The following PTPRD variants were observed in gnomAD, a reference collection of about 807,000 sequenced individuals.
PTPRD encodes receptor-type tyrosine-protein phosphatase delta.
Under a neutral mutation model 214.5 loss-of-function variants are expected in PTPRD, and 34 were observed. The ratio of observed to expected loss-of-function variants is 0.16; its 90% CI spans 0.12 to 0.21. The LOEUF (loss-of-function observed/expected upper bound fraction) is 0.21. Among genes scored for constraint, PTPRD ranks in the 10% least tolerant of loss-of-function variants. PTPRD has a pLI of 1.00. For missense variants in PTPRD, 2,545 were observed against 2,398.7 expected (o/e 1.06, Z -1.27); for synonymous variants, 1,128 against 845.7 (o/e 1.33, Z -5.79).
At chr9:8,598,268 A>G (rs988673491) in intron 14 of PTPRD, among the ~76,000 whole-genome samples, 10 of 152,134 alleles carry the variant, frequency 6.6e-5, no homozygotes, top group Non-Finnish European at 1.3e-4. Flanking sequence ...CCTGGCCAAC[A>G]TGGTGAAACC....
intron 7 of PTPRD, among the ~76,000 whole-genome samples, chr9:9,707,188 T>C (rs2097637931): frequency 6.6e-6 from 1 of 152,192 alleles, no homozygotes; most frequent in African/African-American, 2.4e-5. Flanking sequence ...CCTTTAAAAA[T>C]GGTATTTATG....
chr9:9,390,015 G>C (rs1357728259), intron 9 of PTPRD, among the ~76,000 whole-genome samples: 1 of 152,176 alleles, frequency 6.6e-6, no homozygotes, highest in Non-Finnish European at 1.5e-5. Flanking sequence ...ACAGAGGTGG[G>C]AGAAAAGCAT....
chr9:9,981,921 T>C (rs1203371616), intron 4 of PTPRD, among the ~76,000 whole-genome samples: 1 of 152,144 alleles, frequency 6.6e-6, no homozygotes, highest in East Asian at 1.9e-4. Context: ...TTGTTCAAGG[T>C]GTCTCAAACA....
At chr9:8,454,771 G>C (rs1049718851) in intron 33 of PTPRD, among the ~76,000 whole-genome samples, 9 of 151,846 alleles carry the variant, frequency 5.9e-5, no homozygotes, top group African/African-American at 2.2e-4. Flanking sequence ...CTCTGATTAT[G>C]AACTAAACAG....
chr9:8,830,877 C>T (rs991001802), intron 11 of PTPRD, among the ~76,000 whole-genome samples: 3 of 152,086 alleles, frequency 2.0e-5, no homozygotes, highest in African/African-American at 7.2e-5. Context: ...TAACAATTCT[C>T]TTCAATTGAT....
At chr9:8,786,193 C>T (rs139301071) in intron 11 of PTPRD, among the ~76,000 whole-genome samples, 1,916 of 152,142 alleles carry the variant, frequency 0.013, 38 homozygotes, top group Non-Finnish European at 0.014. Context: ...CATAAATTAA[C>T]GACTCAGAGA....
intron 7 of PTPRD, among the ~76,000 whole-genome samples, chr9:9,673,635 A>C (rs2096872247): frequency 1.3e-5 from 2 of 151,752 alleles, no homozygotes; most frequent in Admixed American, 6.6e-5. Flanking sequence ...ATATTTGATA[A>C]GATAACTAAA....
chr9:9,796,385 G>C (rs1305022364), intron 5 of PTPRD, among the ~76,000 whole-genome samples: 1 of 152,186 alleles, frequency 6.6e-6, no homozygotes, highest in Non-Finnish European at 1.5e-5. Context: ...TGTGCTGTCT[G>C]AGGAATCAAT....
chr9:10,119,422 G>C (rs536637474), intron 3 of PTPRD, among the ~76,000 whole-genome samples: 2 of 151,996 alleles, frequency 1.3e-5, no homozygotes, highest in Non-Finnish European at 2.9e-5. Context: ...GCATTCTAGA[G>C]TGTAGTACAT....
At position 9,761,746 on chromosome 9, in the gene PTPRD, TATTC is replaced by T. The variant is rs551145880; in HGVS notation, c.-326+5060_-326+5063del. Among the ~76,000 whole-genome samples the T allele has an allele frequency of 1.6e-3, 239 of 152,206 alleles. 1 individual carries two copies. The highest frequency in any genetic ancestry group is 2.7e-3 in the Non-Finnish European group (185 of 68,004). On this transcript the variant is annotated intron_variant, in intron 6 of 45. Coordinates refer to ENST00000381196, the MANE Select transcript of PTPRD (RefSeq NM_002839.4). ...AATTTCGATGAAATTAAAAAAAAAC[TATTC>T]ATTATCATTCCATCAAATTGTCTCC...
Position 8,733,907 on chromosome 9 carries a change from T to C in PTPRD, c.-64A>G. On this transcript the variant is annotated 5_prime_UTR_variant, in exon 12 of 46. Coordinates refer to ENST00000381196, the MANE Select transcript of PTPRD (RefSeq NM_002839.4). ...TCACTGCCTCCGGAGCCGCAGCGAG[T>C]CTGTCCGATCTGAAATTTCAGCTGG... 1 of 1,480,130 alleles carries C rather than the reference T, an allele frequency of 6.8e-7. No individual in the cohort carries two copies. The highest frequency in any genetic ancestry group is 9.2e-7 in the Non-Finnish European group (1 of 1,089,536). The allele number at this position is 1,480,130 out of a possible 1,614,324, so 91.7% of individuals were successfully genotyped here. A position where few individuals can be genotyped will look rare whatever the true frequency, so the allele number is the denominator to read the frequency against.
intron 11 of PTPRD, among the ~76,000 whole-genome samples, chr9:8,992,462 T>G (rs1044391863): frequency 1.3e-5 from 2 of 152,126 alleles, no homozygotes; most frequent in African/African-American, 4.8e-5. Flanking sequence ...GCAGGATGGT[T>G]GCTCAGAGGC....
At chr9:10,208,854 G>C (rs567199822) in intron 3 of PTPRD, among the ~76,000 whole-genome samples, 1 of 152,146 alleles carries the variant, frequency 6.6e-6, no homozygotes, top group African/African-American at 2.4e-5. Flanking sequence ...ACAAGGCACC[G>C]AGGCATATTG....
chr9:8,930,409 C>G (rs2098944383), intron 11 of PTPRD, among the ~76,000 whole-genome samples: 1 of 152,014 alleles, frequency 6.6e-6, no homozygotes, highest in Non-Finnish European at 1.5e-5. Flanking sequence ...GTGAATAGTG[C>G]CACAATAAAC....
chr9:9,539,828 T>A (rs2077228529), intron 8 of PTPRD, among the ~76,000 whole-genome samples: 1 of 151,778 alleles, frequency 6.6e-6, no homozygotes, highest in Non-Finnish European at 1.5e-5. Context: ...CACATAAAGG[T>A]GAATATATAA....
intron 29 of PTPRD, 116 bp downstream of exon 29, chr9:8,485,111 T>C (rs1456556510): frequency 5.4e-6 from 4 of 744,890 alleles, no homozygotes; most frequent in Admixed American, 2.5e-5. Flanking sequence ...CAAATGAAAA[T>C]AGCAAGGACA....
chr9:8,948,583 A>C, intron 11 of PTPRD, among the ~76,000 whole-genome samples: 1 of 113,738 alleles, frequency 8.8e-6, no homozygotes, highest in South Asian at 2.6e-4. Context: ...ATATACACAC[A>C]CACACACAAT....
rs1430715949 is a variant in PTPRD at position 8,317,120 on chromosome 9, T to TGACG, written c.*750_*753dup. ...AACTGAAGTGTAAAATTAATATATC[T>TGACG]GACGAGACTGATACTGTAGATTGAG... On this transcript the variant is annotated 3_prime_UTR_variant, in exon 46 of 46. Transcript: ENST00000381196. The TGACG allele has an allele frequency of 4.3e-6, 1 of 231,848 alleles. No individual in the cohort carries two copies. Among genetic ancestry groups the TGACG allele is most frequent in the Admixed American group, 5.6e-5 (1 of 17,726 alleles). The allele number at this position is 231,848 out of a possible 1,614,324, so 14.4% of individuals were successfully genotyped here. A position where few individuals can be genotyped will look rare whatever the true frequency, so the allele number is the denominator to read the frequency against.
chr9:8,878,560 T>C (rs1181785915), intron 11 of PTPRD, among the ~76,000 whole-genome samples: 1 of 152,120 alleles, frequency 6.6e-6, no homozygotes, highest in East Asian at 1.9e-4. Context: ...AGAGTCTCAC[T>C]GTGTAGACTA....
Sources: allele counts gnomAD v4.1 joint callset (sites outside exome capture counted in the v4.1 genomes callset), GRCh38; gene constraint gnomAD v4.1.1; transcripts MANE v1.5; gene names NCBI Gene and HGNC (gene_info 2026-07-23, HGNC 2026-07-21).